Variants in MIPEP observed in about 807,000 individuals in gnomAD.
The protein encoded by MIPEP is mitochondrial intermediate peptidase.
Under a neutral mutation model 90.3 loss-of-function variants are expected in MIPEP, and 79 were observed. The ratio of observed to expected loss-of-function variants is 0.87; its 90% CI spans 0.73 to 1.05. The LOEUF is 1.05. Ranked by LOEUF, MIPEP falls within the 50% of genes least tolerant of loss-of-function variation. The pLI, the probability that MIPEP is intolerant of heterozygous loss-of-function variation, is 0.00. For synonymous variants in MIPEP, 334 were observed against 315.8 expected (o/e 1.06, Z -0.61); for missense variants, 940 against 905.6 (o/e 1.04, Z -0.49).
At chr13:23,816,168 G>A (rs967467347) in intron 14 of MIPEP, among the ~76,000 whole-genome samples, 4 of 152,174 alleles carry the variant, frequency 2.6e-5, no homozygotes, top group Non-Finnish European at 5.9e-5. Context: ...GATTCTTGAA[G>A]CTTCTTGGAT....
chr13:23,876,825 G>C (rs7318157), intron 4 of MIPEP, among the ~76,000 whole-genome samples: 150,887 of 152,328 alleles, frequency 0.99, 74,764 homozygotes, highest in East Asian at 1. Context: ...AAGATTACCA[G>C]TAGTTTTATA....
Position 23,839,705 on chromosome 13 carries a change from C to T in MIPEP, c.1282G>A (p.Gly428Arg). Residue 428 changes from glycine (G) to arginine (R), a missense_variant, in exon 12 of 19, where the codon GGA (glycine) becomes AGA (arginine). Transcript: ENST00000382172. ...TCACAGTAAATGTACCCCAACAATC[C>T]TTCAGATTCATGAACAACAGCCTAG... Reference protein sequence around the residue: ...RKLAVVHESEGLLGYIYCDFF... With the variant: ...RKLAVVHESERLLGYIYCDFF... The T allele has an allele frequency of 6.2e-7, 1 of 1,612,356 alleles. No individual in the cohort carries two copies. Among genetic ancestry groups the T allele is most frequent in the Non-Finnish European group, 8.5e-7 (1 of 1,179,500 alleles).
chr13:23,859,294 G>A (rs9507175), intron 9 of MIPEP, among the ~76,000 whole-genome samples: 151,017 of 152,334 alleles, frequency 0.99, 74,886 homozygotes, highest in Middle Eastern at 1. Context: ...ACTAAAGGTA[G>A]GATTAAGGTT....
Position 23,756,677 on chromosome 13 carries a change from C to T in MIPEP, c.1971-59G>A. ...TTGCACAGCCTCCATTCACACTTGT[C>T]TTGAATTCTCAAAGAAAGCCACACT... On this transcript the variant is annotated intron_variant, in intron 17 of 18. Coordinates refer to ENST00000382172, the MANE Select transcript of MIPEP (RefSeq NM_005932.4). The T allele has an allele frequency of 2.6e-6, 4 of 1,528,578 alleles. No homozygotes were observed. The South Asian group carries it at 4.5e-5, about 17-fold the overall frequency. 94.7% of individuals were successfully genotyped at this position (1,528,578 alleles called of 1,614,324 possible).
intron 18 of MIPEP, among the ~76,000 whole-genome samples, chr13:23,745,508 T>G (rs1952373027): frequency 1.3e-5 from 2 of 152,202 alleles, no homozygotes; most frequent in African/African-American, 4.8e-5. Flanking sequence ...ATCTCTATAA[T>G]TATTACTATA....
intron 16 of MIPEP, among the ~76,000 whole-genome samples, chr13:23,799,826 A>G (rs1953012985): frequency 6.6e-6 from 1 of 152,198 alleles, no homozygotes; most frequent in African/African-American, 2.4e-5. Context: ...TGCTTTCCTA[A>G]AATAACTTTT....
At chr13:23,766,426 T>C (rs1437250482) in intron 16 of MIPEP, among the ~76,000 whole-genome samples, 1 of 152,244 alleles carries the variant, frequency 6.6e-6, no homozygotes, top group East Asian at 1.9e-4. Flanking sequence ...TGAGCTCGTC[T>C]TCATAGAAAG....
intron 14 of MIPEP, among the ~76,000 whole-genome samples, chr13:23,815,148 C>CT (rs1306961724): frequency 1.3e-5 from 2 of 152,314 alleles, no homozygotes; most frequent in East Asian, 3.9e-4. Flanking sequence ...TAATCACTGA[C>CT]TTTGACGAAC....
intron 8 of MIPEP, among the ~76,000 whole-genome samples, chr13:23,863,927 T>C (rs781206534): frequency 6.6e-6 from 1 of 152,190 alleles, no homozygotes; most frequent in Non-Finnish European, 1.5e-5. Context: ...TAAAAACAAT[T>C]GTTTAATGAA....
rs1239406830 is a variant in MIPEP, at chr13:23,862,742, C to T, written c.993-380G>A. On this transcript the variant is annotated intron_variant, in intron 8 of 18. Transcript: ENST00000382172. ...TAGAAAGGAATTTTATCATTGGCTA[C>T]ATTTAAGATTTCTAGTCATTTTTCC... Among the ~76,000 whole-genome samples, 3 of 152,148 alleles carry T rather than the reference C, an allele frequency of 2.0e-5. No individual in the cohort carries two copies. The East Asian group carries it at 5.8e-4, about 29-fold the overall frequency.
chr13:23,864,478 T>C (rs1471306281), intron 7 of MIPEP, among the ~76,000 whole-genome samples: 2 of 152,120 alleles, frequency 1.3e-5, no homozygotes, highest in Non-Finnish European at 2.9e-5. Flanking sequence ...ATGCCTGTAA[T>C]CCTAGTACTT....
chr13:23,805,237 T>C (rs139433521), intron 16 of MIPEP, among the ~76,000 whole-genome samples: 94 of 152,244 alleles, frequency 6.2e-4, no homozygotes, highest in African/African-American at 2.1e-3. Flanking sequence ...TTAATTGCAC[T>C]AGGAGTCACG....
In MIPEP at chr13:23,836,336, A is replaced by C; in HGVS notation, c.1557T>G (p.Pro519=). The change falls in exon 14 of 19, where the codon CCT becomes CCG. Residue 519 remains proline (P), a synonymous_variant. Coordinates refer to ENST00000382172, the MANE Select transcript of MIPEP (RefSeq NM_005932.4). ...TAGAAGGAACCTCAGCAAAATCAGT[A>C]GGGCACCTGGTCCCTAAAACAAGAA... ...RYQHVTGTRC[P]TDFAEVPSIL... is the part of the protein sequence containing the mutation. 6.3e-7 allele frequency: 1 copy of C among 1,585,266 alleles called. No homozygotes were observed. Among genetic ancestry groups the C allele is most frequent in the Non-Finnish European group, 8.6e-7 (1 of 1,168,874 alleles).
intron 10 of MIPEP, among the ~76,000 whole-genome samples, chr13:23,850,994 C>T (rs898748228): frequency 3.9e-5 from 6 of 152,256 alleles, no homozygotes; most frequent in African/African-American, 1.4e-4. Flanking sequence ...GAGATTTTCT[C>T]CCCCAGAGCC....
intron 16 of MIPEP, among the ~76,000 whole-genome samples, chr13:23,770,572 A>C (rs1952637519): frequency 6.6e-6 from 1 of 151,934 alleles, no homozygotes; most frequent in South Asian, 2.1e-4. Context: ...CCTCTTGCTC[A>C]ATCAGGGCCT....
intron 14 of MIPEP, among the ~76,000 whole-genome samples, chr13:23,830,662 C>A (rs1241003817): frequency 6.6e-6 from 1 of 152,092 alleles, no homozygotes; most frequent in Non-Finnish European, 1.5e-5. Context: ...TCCACTATTC[C>A]TAGTAATATT....
chr13:23,843,239 T>C (rs1351662933), intron 10 of MIPEP, among the ~76,000 whole-genome samples: 1 of 152,026 alleles, frequency 6.6e-6, no homozygotes, highest in Non-Finnish European at 1.5e-5. Flanking sequence ...GCCTGGTAAC[T>C]TCTAGAAAGG....
At chr13:23,795,209 G>GAA (rs113249630) in intron 16 of MIPEP, among the ~76,000 whole-genome samples, 32 of 143,196 alleles carry the variant, frequency 2.2e-4, no homozygotes, top group African/African-American at 7.6e-4. Context: ...CCAGGGCGAA[G>GAA]AAAAAAAAAA....
intron 16 of MIPEP, among the ~76,000 whole-genome samples, chr13:23,796,786 A>G (rs1952967821): frequency 6.6e-6 from 1 of 152,226 alleles, no homozygotes; most frequent in South Asian, 2.1e-4. Context: ...AAGCTGGTAC[A>G]GTGGTTACTT....
Sources: gnomAD v4.1 joint callset for allele counts (sites outside exome capture counted in the v4.1 genomes callset) on GRCh38, gnomAD v4.1.1 for gene constraint, MANE v1.5 for transcripts, NCBI Gene and HGNC (gene_info 2026-07-23, HGNC 2026-07-21) for gene names.